The following BBS2 variants were observed in gnomAD, a reference collection of about 807,000 sequenced individuals.
BBS2 encodes the protein BBSome complex member BBS2.
In BBS2, 62 loss-of-function variants were observed where a neutral mutation model predicts 83.0. The observed-to-expected ratio is 0.75, with a 90% CI of 0.61 to 0.92. The LOEUF is 0.92. BBS2 is among the 40% of genes least tolerant of loss of function. BBS2 has a pLI of 0.00. For missense variants in BBS2, 784 were observed against 901.0 expected, an observed-to-expected ratio of 0.87 and a Z score of 1.66; for synonymous variants, 303 against 326.1, an observed-to-expected ratio of 0.93 and a Z score of 0.76.
intron 2 of BBS2, among the ~76,000 whole-genome samples, chr16:56,512,079 T>C (rs562196779): frequency 6.6e-6 from 1 of 152,310 alleles, no homozygotes; most frequent in East Asian, 1.9e-4. Context: ...TGTCCATTTA[T>C]GCACAAGAAA....
chr16:56,475,007 T>TGAGGGAA (rs1256198653), intron 17 of BBS2: 31 of 1,575,948 alleles, frequency 2.0e-5, no homozygotes, highest in Non-Finnish European at 2.7e-5. Context: ...CAGTCTCTTC[T>TGAGGGAA]GAGGGACCCT....
intron 15 of BBS2, among the ~76,000 whole-genome samples, chr16:56,493,281 G>T (rs1195131575): frequency 6.6e-6 from 1 of 151,396 alleles, no homozygotes; most frequent in Non-Finnish European, 1.5e-5. Flanking sequence ...ATCTACTCAG[G>T]AGGCTGAGGT....
intron 16 of BBS2, 72 bp from the exon 17 acceptor site, chr16:56,484,939 A>C: frequency 9.0e-7 from 1 of 1,105,530 alleles, no homozygotes; most frequent in Non-Finnish European, 1.4e-6. Context: ...GTCAGTTTTA[A>C]AACAACATAA....
At chr16:56,485,914 C>A (rs1260561056) in intron 15 of BBS2, among the ~76,000 whole-genome samples, 176 bp from the exon 16 acceptor site, 3 of 152,130 alleles carry the variant, frequency 2.0e-5, no homozygotes, top group Admixed American at 6.6e-5. Flanking sequence ...TAAAAATATT[C>A]TTTTCCTTCC....
chr16:56,485,601 C>T lies in BBS2; in HGVS notation c.2048G>A (p.Gly683Asp), dbSNP rs771242885. The change falls in exon 16 of 17, where the codon GGT becomes GAT. Residue 683 changes from glycine to aspartate, a missense_variant. Gly to Asp is a moderately conservative substitution (Grantham distance 94, BLOSUM62 -1). Transcript: ENST00000245157. Reference sequence around the variant, plus strand: ...GAAAAGAGACTTACCCCGCAGACGACCTGCTCTTTGAATTGCTTGATTTAC... The same window carrying T: ...GAAAAGAGACTTACCCCGCAGACGATCTGCTCTTTGAATTGCTTGATTTAC... ...KAVNQAIQRA[G>D]RLRVGKPKNQ... The T allele has an allele frequency of 6.2e-7, 1 of 1,614,140 alleles. No homozygotes were observed. Among genetic ancestry groups the T allele is most frequent in the African/African-American group, 1.3e-5 (1 of 75,056 alleles).
rs1278932190 is a variant in BBS2 at position 56,499,788 on chromosome 16, C to T, written c.1517G>A (p.Arg506Gln). 3 of 1,613,958 alleles carry T rather than the reference C, an allele frequency of 1.9e-6. No individual in the cohort carries two copies. Among genetic ancestry groups the T allele is most frequent in the Admixed American group, 1.7e-5 (1 of 60,010 alleles). Residue 506 changes from arginine to glutamine, a missense_variant, in exon 12 of 17, where the codon CGG becomes CAG. Coordinates refer to ENST00000245157, the MANE Select transcript of BBS2 (RefSeq NM_031885.5). Reference protein sequence around the residue: ...ISYVNFTIAERAQRVVVWLGQ... With the variant: ...ISYVNFTIAEQAQRVVVWLGQ... ...AAGCGAGATACTCACCCTCTGTGCCCGTTCTGCAATGGTAAAGTTAACATA... is the reference window on the plus strand; with the variant it reads ...AAGCGAGATACTCACCCTCTGTGCCTGTTCTGCAATGGTAAAGTTAACATA...
downstream of BBS2, among the ~76,000 whole-genome samples, chr16:56,481,692 T>TA (rs1963665036): frequency 6.6e-6 from 1 of 152,136 alleles, no homozygotes; most frequent in African/African-American, 2.4e-5. Flanking sequence ...GGCAACAAAA[T>TA]AGAGAAGTTA....
intron 15 of BBS2, among the ~76,000 whole-genome samples, chr16:56,490,588 C>T (rs1349558926): frequency 6.6e-6 from 1 of 151,248 alleles, no homozygotes; most frequent in Non-Finnish European, 1.5e-5. Flanking sequence ...TTGCAGTGAG[C>T]CGAGATCACG....
At chr16:56,490,544 G>C (rs1056614581) in intron 15 of BBS2, among the ~76,000 whole-genome samples, 1 of 151,648 alleles carries the variant, frequency 6.6e-6, no homozygotes, top group Non-Finnish European at 1.5e-5. Flanking sequence ...GGGAGGCTGA[G>C]GCAGGAGAAT....
chr16:56,487,458 AAG>A (rs1278051917), intron 15 of BBS2, among the ~76,000 whole-genome samples: 10 of 152,220 alleles, frequency 6.6e-5, no homozygotes, highest in Non-Finnish European at 1.0e-4. Context: ...ATTATAGAAT[AAG>A]ATAATGTAAA....
chr16:56,483,500 G>T (rs1409366301), downstream of BBS2, among the ~76,000 whole-genome samples: 6 of 152,140 alleles, frequency 3.9e-5, no homozygotes, highest in African/African-American at 1.4e-4. Flanking sequence ...ATGATTAAAG[G>T]AACCTGGGTC....
At chr16:56,481,008 C>T (rs146486431), downstream of BBS2, among the ~76,000 whole-genome samples, 2 of 152,148 alleles carry the variant, frequency 1.3e-5, no homozygotes, top group East Asian at 1.9e-4. Context: ...AGGCAAAATG[C>T]GAAACACCAG....
chr16:56,517,263 G>C (rs1964775469), intron 1 of BBS2, among the ~76,000 whole-genome samples: 1 of 152,158 alleles, frequency 6.6e-6, no homozygotes, highest in Non-Finnish European at 1.5e-5. Flanking sequence ...AACTTACTCA[G>C]TATAAAAACC....
At chr16:56,471,490 CACTCCTGTGA>C (rs1356821357) in intron 17 of BBS2, among the ~76,000 whole-genome samples, 5 of 152,136 alleles carry the variant, frequency 3.3e-5, no homozygotes, top group African/African-American at 4.8e-5. Context: ...TAAGAGGTAA[CACTCCTGTGA>C]AAATATTGGC....
chr16:56,506,250 A>G (rs1964420199), intron 5 of BBS2, 26 bp from the exon 6 acceptor site: 2 of 1,539,390 alleles, frequency 1.3e-6, no homozygotes, highest in African/African-American at 1.4e-5. Context: ...CAAAAACACA[A>G]CATCTTTTCA....
chr16:56,493,310 C>T (rs1453080752), intron 15 of BBS2, among the ~76,000 whole-genome samples: 1 of 140,124 alleles, frequency 7.1e-6, no homozygotes, highest in Admixed American at 7.7e-5. Context: ...CCCTTGAGCC[C>T]GGGTGGTTGA....
chr16:56,514,412 A>G, intron 2 of BBS2, 41 bp downstream of exon 2: 1 of 1,557,422 alleles, frequency 6.4e-7, no homozygotes, highest in South Asian at 1.1e-5. Flanking sequence ...ATGGACATTA[A>G]TGAGTAATGA....
At chr16:56,476,046 GC>G (rs1555519106) in intron 17 of BBS2, 3 of 1,608,796 alleles carry the variant, frequency 1.9e-6, no homozygotes, top group Non-Finnish European at 1.7e-6. Flanking sequence ...TTTTTCAGCT[GC>G]TAACAGTGAA....
At chr16:56,475,584 C>A (rs771870119) in intron 17 of BBS2, 9 of 1,606,132 alleles carry the variant, frequency 5.6e-6, no homozygotes, top group Middle Eastern at 3.3e-4. Flanking sequence ...CTTCTGATAG[C>A]AAACTATCAT....
Sources: allele counts gnomAD v4.1 joint callset (sites outside exome capture counted in the v4.1 genomes callset), GRCh38; gene constraint gnomAD v4.1.1; transcripts MANE v1.5; gene names NCBI Gene and HGNC (gene_info 2026-07-23, HGNC 2026-07-21).